Variants in CD96 observed in about 807,000 individuals in gnomAD.
CD96 encodes the protein T-cell surface protein tactile.
CD96 carries 70 observed loss-of-function variants against 71.3 expected under a neutral mutation model. That is an observed-to-expected ratio of 0.98 (90% CI 0.81 to 1.20). CD96 has a LOEUF of 1.20. Ranked by LOEUF, CD96 falls within the 50% of genes most tolerant of loss-of-function variation. The pLI is 0.00. For missense variants in CD96, 742 were observed against 677.5 expected (o/e 1.10, Z -1.06); for synonymous variants, 248 against 233.0 (o/e 1.06, Z -0.59).
At chr3:111,616,272 C>A (rs978327052) in intron 8 of CD96, among the ~76,000 whole-genome samples, 2 of 151,978 alleles carry the variant, frequency 1.3e-5, no homozygotes, top group South Asian at 2.1e-4. Flanking sequence ...ATTGATAATT[C>A]AGTAAATATT....
intron 14 of CD96, among the ~76,000 whole-genome samples, chr3:111,660,272 T>A (rs1940324816): frequency 6.6e-6 from 1 of 151,984 alleles, no homozygotes; most frequent in Admixed American, 6.6e-5. Context: ...ACAATAGCTA[T>A]GAAGAAAACA....
intron 5 of CD96, among the ~76,000 whole-genome samples, chr3:111,596,514 C>T (rs1937268667): frequency 6.6e-6 from 1 of 152,136 alleles, no homozygotes; most frequent in Non-Finnish European, 1.5e-5. Context: ...TAATAACACC[C>T]CCACTTACTC....
In CD96 at chr3:111,665,264, G is replaced by C. The variant is rs115719668; in HGVS notation, c.*53-263G>C. Reference sequence around the variant, plus strand: ...TTTTGAAGTTTGAAATTATTTCCAAGTAGAAAGTTTAAACAAAAAGTACTT... The same window carrying C: ...TTTTGAAGTTTGAAATTATTTCCAACTAGAAAGTTTAAACAAAAAGTACTT... On this transcript the variant is annotated intron_variant and NMD_transcript_variant, in intron 14 of 14. Transcript: ENST00000494798. 7.4e-3 allele frequency among the ~76,000 whole-genome samples: 1,130 copies of C among 152,024 alleles called. 16 individuals are homozygous for C. Among genetic ancestry groups the C allele is most frequent in the African/African-American group, 0.026 (1,087 of 41,464 alleles).
At chr3:111,616,018 C>T (rs1387877266) in intron 8 of CD96, among the ~76,000 whole-genome samples, 1 of 152,168 alleles carries the variant, frequency 6.6e-6, no homozygotes, top group Non-Finnish European at 1.5e-5. Context: ...ATGTCACCTT[C>T]TCGATGAGGT....
intron 4 of CD96, among the ~76,000 whole-genome samples, chr3:111,582,131 A>G (rs1268024048): frequency 6.6e-6 from 1 of 152,194 alleles, no homozygotes; most frequent in Non-Finnish European, 1.5e-5. Context: ...CTTGTGGACT[A>G]AGTATACTCC....
intron 3 of CD96, among the ~76,000 whole-genome samples, chr3:111,570,019 C>G (rs1484124030): frequency 1.1e-4 from 15 of 133,200 alleles, no homozygotes; most frequent in African/African-American, 3.9e-4. Context: ...TGACCCTAGG[C>G]TGGGGCTGCT....
In CD96 at chr3:111,638,528, C is replaced by G. The variant is rs143228013; in HGVS notation, c.1477+360C>G. ...GAAAAGTAGCAAAAAGCATTTCAAG[C>G]CTATGAAAACATAGTCTGAGAAAGA... On this transcript the variant is annotated intron_variant, in intron 12 of 13. Transcript: ENST00000352690. Among the ~76,000 whole-genome samples the G allele has an allele frequency of 8.4e-3, 1,276 of 152,174 alleles. 23 individuals are homozygous for G. Among genetic ancestry groups the G allele is most frequent in the African/African-American group, 0.029 (1,208 of 41,508 alleles).
chr3:111,570,585 A>G (rs951569847), intron 3 of CD96: 9 of 1,491,314 alleles, frequency 6.0e-6, no homozygotes, highest in African/African-American at 5.5e-5. Context: ...CCTTGGCAAG[A>G]AAGCTAAGGG....
intron 3 of CD96, chr3:111,577,480 T>C: frequency 6.4e-7 from 1 of 1,568,968 alleles, no homozygotes; most frequent in Admixed American, 1.7e-5. Context: ...TTCTCCCTTC[T>C]TCTTTTGCTC....
intron 1 of CD96, among the ~76,000 whole-genome samples, chr3:111,543,266 G>C (rs1288892917): frequency 6.6e-6 from 1 of 152,090 alleles, no homozygotes; most frequent in Non-Finnish European, 1.5e-5. Context: ...TATCATTTCT[G>C]TAACAGGATT....
chr3:111,606,869 A>C (rs746470130), intron 8 of CD96, 77 bp downstream of exon 8: 1 of 882,238 alleles, frequency 1.1e-6, no homozygotes, highest in Admixed American at 1.7e-5. Context: ...AACTTGCATC[A>C]TTCATGCCTG....
In CD96 at chr3:111,652,333, G is replaced by C. The variant is rs1305697895; in HGVS notation, c.*2527G>C. On this transcript the variant is annotated 3_prime_UTR_variant, in exon 14 of 14. Transcript: ENST00000352690. ...CTTTGCTTCATGTGTATGGCTATTTGTATTTAACAAGACTTAATCATCAGT... is the reference window on the plus strand; with the variant it reads ...CTTTGCTTCATGTGTATGGCTATTTCTATTTAACAAGACTTAATCATCAGT... 6.6e-6 allele frequency: 1 copy of C among 151,952 alleles called. No individual in the cohort carries two copies. The highest frequency in any genetic ancestry group is 2.4e-5 in the African/African-American group (1 of 41,352). 9.4% of individuals were successfully genotyped at this position (151,952 alleles called of 1,614,324 possible). A position where few individuals can be genotyped will look rare whatever the true frequency, so the allele number is the denominator to read the frequency against.
intron 2 of CD96, among the ~76,000 whole-genome samples, chr3:111,566,974 A>G (rs1251581067): frequency 6.6e-6 from 1 of 152,146 alleles, no homozygotes; most frequent in Non-Finnish European, 1.5e-5. Context: ...GTAAACTATG[A>G]ACTTTGGGTG....
At chr3:111,611,208 A>C (rs1937911855) in intron 8 of CD96, among the ~76,000 whole-genome samples, 1 of 152,134 alleles carries the variant, frequency 6.6e-6, no homozygotes, top group African/African-American at 2.4e-5. Flanking sequence ...TTAGAGTAAA[A>C]CACTAGGTCC....
At chr3:111,571,018 T>A in intron 3 of CD96, 1 of 1,427,488 alleles carries the variant, frequency 7.0e-7, no homozygotes, top group Admixed American at 1.7e-5. Context: ...AGCTTCTCTT[T>A]TGGGGTCAGC....
intron 8 of CD96, among the ~76,000 whole-genome samples, chr3:111,621,971 G>T (rs1938538550): frequency 6.6e-6 from 1 of 152,196 alleles, no homozygotes; most frequent in Non-Finnish European, 1.5e-5. Flanking sequence ...TTTGATGAAT[G>T]GTGGGAGGCA....
chr3:111,620,496 T>C (rs1443136394), intron 8 of CD96, among the ~76,000 whole-genome samples: 1 of 152,216 alleles, frequency 6.6e-6, no homozygotes, highest in Non-Finnish European at 1.5e-5. Flanking sequence ...CATAGTTCTC[T>C]AAAAGACTTT....
chr3:111,655,875 T>C (rs1940216154), downstream of CD96, among the ~76,000 whole-genome samples: 1 of 151,368 alleles, frequency 6.6e-6, no homozygotes, highest in South Asian at 2.1e-4. Flanking sequence ...ACAGTTATAG[T>C]ATATAAATAC....
intron 12 of CD96, among the ~76,000 whole-genome samples, chr3:111,641,419 T>C (rs1939585016): frequency 6.6e-6 from 1 of 152,208 alleles, no homozygotes; most frequent in African/African-American, 2.4e-5. Context: ...TATATAATGG[T>C]AAAAGGCCTT....
Sources: allele counts gnomAD v4.1 joint callset (sites outside exome capture counted in the v4.1 genomes callset), GRCh38; gene constraint gnomAD v4.1.1; transcripts MANE v1.5; gene names NCBI Gene and HGNC (gene_info 2026-07-23, HGNC 2026-07-21).